The following IL13RA1 variants were observed in gnomAD, a reference collection of about 807,000 sequenced individuals.
IL13RA1 encodes interleukin-13 receptor subunit alpha-1.
In IL13RA1, 14 loss-of-function variants were observed where a neutral mutation model predicts 33.8. The ratio of observed to expected loss-of-function variants is 0.41; its 90% confidence interval spans 0.27 to 0.65. The LOEUF (loss-of-function observed/expected upper bound fraction) is 0.65. Ranked by LOEUF, IL13RA1 falls within the 30% of genes least tolerant of loss-of-function variation. The probability of loss-of-function intolerance (pLI) is 0.28; values close to 1 mark genes in which losing one functional copy is unlikely to be tolerated. For missense variants in IL13RA1, 313 were observed against 327.0 expected, an observed-to-expected ratio of 0.96 and a Z score of 0.33; for synonymous variants, 116 against 115.7, an observed-to-expected ratio of 1.00 and a Z score of -0.02.
intron 1 of IL13RA1, among the ~76,000 whole-genome samples, chrX:118,729,959 G>A (rs2017197961): frequency 8.9e-6 from 1 of 112,053 alleles, no homozygotes; most frequent in African/African-American, 3.2e-5. Context: ...AGCAGGGCAG[G>A]ACGGCTTGGG....
intron 4 of IL13RA1, among the ~76,000 whole-genome samples, chrX:118,750,463 A>G (rs1478236898): frequency 1.8e-5 from 2 of 110,702 alleles, no homozygotes; most frequent in Non-Finnish European, 1.9e-5. Context: ...ACTCCTTTTT[A>G]TAGCTCAGTA....
chrX:118,738,781 CTTTTTTTTTTTT>C (rs144796443), intron 1 of IL13RA1, among the ~76,000 whole-genome samples: 2 of 60,242 alleles, frequency 3.3e-5, no homozygotes, highest in Non-Finnish European at 2.9e-5. Flanking sequence ...ATTTTAAGTC[CTTTTTTTTTTTT>C]TTTTTTTTTT....
At chrX:118,734,924 T>G (rs140728504) in intron 1 of IL13RA1, among the ~76,000 whole-genome samples, 16 of 111,610 alleles carry the variant, frequency 1.4e-4, no homozygotes, top group African/African-American at 4.9e-4. Context: ...GGGCTTTTCT[T>G]TGTTGAGAGA....
intron 9 of IL13RA1, among the ~76,000 whole-genome samples, chrX:118,774,235 C>T (rs2017758481): frequency 9.5e-6 from 1 of 105,338 alleles, no homozygotes; most frequent in Admixed American, 1.0e-4. Context: ...CTGCAGCCTC[C>T]ACCTCCTGGG....
intron 2 of IL13RA1, 90 bp from the exon 3 acceptor site, chrX:118,746,863 TA>T (rs879141332): frequency 2.9e-5 from 19 of 658,944 alleles, no homozygotes; most frequent in South Asian, 2.8e-4. Context: ...ACTTTTTTGA[TA>T]AAAAAAGCAC....
intron 1 of IL13RA1, among the ~76,000 whole-genome samples, chrX:118,736,465 T>A (rs2017283211): frequency 8.9e-6 from 1 of 111,908 alleles, no homozygotes; most frequent in Non-Finnish European, 1.9e-5. Context: ...ATTGTCTTTA[T>A]TTTTTTGATT....
At position 118,766,554 on chromosome X, in the gene IL13RA1, C is replaced by T. The variant is rs764192520; in HGVS notation, c.853C>T (p.Pro285Ser). ...GGTCCAAGAGGCTAAATGTGAGAAT[C>T]CAGAATTTGAGAGAAATGTGGAGGT... is the stretch of plus-strand genomic sequence containing the variant. ...FYVQEAKCEN[P>S]EFERNVENTS... is the part of the protein sequence containing the mutation. Residue 285 changes from proline (P) to serine (S), a missense_variant, in exon 7 of 11, where the codon CCA (proline) becomes TCA (serine). Pro to Ser is a moderately conservative substitution (Grantham distance 74). Coordinates refer to ENST00000371666, the MANE Select transcript of IL13RA1 (RefSeq NM_001560.3). 5 of 1,065,566 alleles carry T rather than the reference C, an allele frequency of 4.7e-6. No individual in the cohort carries two copies. In the South Asian group the frequency reaches 9.5e-5, roughly 20 times the overall value. The allele number at this position is 1,065,566 out of a possible 1,213,427, so 87.8% of individuals were successfully genotyped here.
At chrX:118,769,997 G>T (rs1418017764) in intron 8 of IL13RA1, 1 of 211,986 alleles carries the variant, frequency 4.7e-6, no homozygotes, top group South Asian at 5.9e-5. Context: ...CTACACCGGC[G>T]ACCCGGGCAC....
At chrX:118,762,767 A>G (rs1374979007) in intron 6 of IL13RA1, among the ~76,000 whole-genome samples, 1 of 112,252 alleles carries the variant, frequency 8.9e-6, no homozygotes, top group South Asian at 3.7e-4. Context: ...AAGCTGAAAT[A>G]CACTTGTTTA....
chrX:118,786,455 A>G (rs2017918470), intron 10 of IL13RA1, among the ~76,000 whole-genome samples: 1 of 111,560 alleles, frequency 9.0e-6, no homozygotes, highest in African/African-American at 3.3e-5. Context: ...GGCTGGTCTC[A>G]AATTCCTGGG....
At chrX:118,800,025 G>A in the IL13RA1 span, among the ~76,000 whole-genome samples, 1 of 108,748 alleles carries the variant, frequency 9.2e-6, no homozygotes, top group South Asian at 4.2e-4. Context: ...CTCAAGGTTT[G>A]TGAGTGCACC....
intron 3 of IL13RA1, among the ~76,000 whole-genome samples, chrX:118,747,829 G>C (rs1236686823): frequency 9.1e-6 from 1 of 110,190 alleles, no homozygotes; most frequent in Admixed American, 9.9e-5. Context: ...TTAAATCCCA[G>C]CTCTGCCAGC....
rs188053497 is a variant in IL13RA1, at chrX:118,777,945, T to G, written c.1191+1434T>G. 1.9e-4 allele frequency among the ~76,000 whole-genome samples: 21 copies of G among 112,000 alleles called. No homozygotes were observed. The East Asian group carries it at 5.6e-3, about 30-fold the overall frequency. On this transcript the variant is annotated intron_variant, in intron 10 of 10. Transcript: ENST00000371666. ...AATAGCCTGATTTCTGGAGTCAGAT[T>G]GTCTGGATTCATATCCCTGCTGTGT... is the stretch of plus-strand genomic sequence containing the variant.
rs777683321 is a variant in IL13RA1, at chrX:118,754,364, G to A, written c.489-3691G>A. Among the ~76,000 whole-genome samples, 25 of 111,538 alleles carry A rather than the reference G, an allele frequency of 2.2e-4. No homozygotes were observed. In the East Asian group the frequency reaches 3.1e-3, roughly 14 times the overall value. On this transcript the variant is annotated intron_variant, in intron 4 of 10. Transcript: ENST00000371666. Reference sequence around the variant, plus strand: ...TAGCTATTATTACTATTGGCCAGGCGTGGTGGCTCACGCCTGTAATCCCAG... The same window carrying A: ...TAGCTATTATTACTATTGGCCAGGCATGGTGGCTCACGCCTGTAATCCCAG...
At chrX:118,769,176 A>T (rs2017683035) in intron 8 of IL13RA1, among the ~76,000 whole-genome samples, 1 of 112,692 alleles carries the variant, frequency 8.9e-6, no homozygotes, top group Non-Finnish European at 1.9e-5. Context: ...ACACCAGGGA[A>T]TGAATATCAG....
chrX:118,740,990 A>AT lies in IL13RA1; in HGVS notation c.89-18dup, dbSNP rs772434176. 1,146 of 1,011,386 alleles carry AT rather than the reference A, an allele frequency of 1.1e-3. 1 individual carries two copies. Among genetic ancestry groups the AT allele is most frequent in the South Asian group, 1.3e-3 (67 of 50,813 alleles). 83.3% of individuals were successfully genotyped at this position (1,011,386 alleles called of 1,213,427 possible). A position where few individuals can be genotyped will look rare whatever the true frequency, so the allele number is the denominator to read the frequency against. ...CATTAAAAATACTGTTGATAAATTC[A>AT]TTTTTTTTTGTCCTTGATTTGAACA... On this transcript the variant is annotated intron_variant, in intron 1 of 10. Transcript: ENST00000371666.
At chrX:118,777,005 A>G (rs975352924) in intron 10 of IL13RA1, among the ~76,000 whole-genome samples, 2 of 105,718 alleles carry the variant, frequency 1.9e-5, no homozygotes, top group Admixed American at 1.0e-4. Flanking sequence ...GTGTATATAT[A>G]TATATATATA....
chrX:118,750,049 G>A (rs2017453357), intron 4 of IL13RA1, among the ~76,000 whole-genome samples: 1 of 111,700 alleles, frequency 9.0e-6, no homozygotes, highest in Non-Finnish European at 1.9e-5. Context: ...GTAACATCTT[G>A]TGTAACTATA....
chrX:118,772,266 G>T (rs1256180642), intron 8 of IL13RA1, among the ~76,000 whole-genome samples: 1 of 112,487 alleles, frequency 8.9e-6, no homozygotes, highest in African/African-American at 3.2e-5. Context: ...TGTGTGTGTG[G>T]GTGTGTGCGT....
Sources: gnomAD v4.1 joint callset for allele counts (sites outside exome capture counted in the v4.1 genomes callset) on GRCh38, gnomAD v4.1.1 for gene constraint, MANE v1.5 for transcripts, NCBI Gene and HGNC (gene_info 2026-07-23, HGNC 2026-07-21) for gene names.